Variants in CPNE5 observed in about 807,000 individuals in gnomAD.
The protein encoded by CPNE5 is copine-5.
CPNE5 carries 42 observed loss-of-function variants against 81.1 expected under a neutral mutation model. The observed-to-expected ratio is 0.52, with a 90% confidence interval of 0.40 to 0.67. The LOEUF is 0.67. Among genes scored for constraint, CPNE5 ranks in the 30% least tolerant of loss-of-function variants. The probability of loss-of-function intolerance (pLI) is 0.00; values close to 1 mark genes in which losing one functional copy is unlikely to be tolerated. For synonymous variants in CPNE5, 313 were observed against 321.5 expected (o/e 0.97, Z 0.28); for missense variants, 612 against 815.5 (o/e 0.75, Z 3.04).
At chr6:36,798,528 T>C (rs751970533) in intron 4 of CPNE5, 34 bp from the exon 5 acceptor site, 1 of 1,609,466 alleles carries the variant, frequency 6.2e-7, no homozygotes, top group Non-Finnish European at 8.5e-7. Context: ...TGAAGGCAGC[T>C]GCGGACGTTC....
chr6:36,743,814 G>T, intron 19 of CPNE5, 52 bp from the exon 20 acceptor site: 1 of 1,468,426 alleles, frequency 6.8e-7, no homozygotes, highest in Non-Finnish European at 9.5e-7. Flanking sequence ...GTGGACCCCT[G>T]GCCCTAGCAG....
chr6:36,794,424 C>G (rs563439428), intron 7 of CPNE5, among the ~76,000 whole-genome samples, 166 bp downstream of exon 7: 1 of 152,224 alleles, frequency 6.6e-6, no homozygotes, highest in African/African-American at 2.4e-5. Flanking sequence ...CTGTTCAGGG[C>G]CCAAAGAGCC....
At chr6:36,808,981 T>C (rs1039325397) in intron 3 of CPNE5, among the ~76,000 whole-genome samples, 1 of 152,170 alleles carries the variant, frequency 6.6e-6, no homozygotes, top group Non-Finnish European at 1.5e-5. Flanking sequence ...GTAAGAGGCT[T>C]ATGCTGTGAA....
intron 1 of CPNE5, among the ~76,000 whole-genome samples, chr6:36,835,435 T>TA (rs1299631930): frequency 1.3e-5 from 2 of 152,162 alleles, no homozygotes; most frequent in African/African-American, 4.8e-5. Flanking sequence ...TCACATTTTT[T>TA]ATGATGTCTA....
chr6:36,744,563 C>T (rs1763916280), intron 18 of CPNE5: 3 of 575,808 alleles, frequency 5.2e-6, no homozygotes, highest in Non-Finnish European at 9.3e-6. Flanking sequence ...GGGAATGGGT[C>T]ATAGGTCTGC....
At chr6:36,776,607 C>T (rs186537666) in intron 9 of CPNE5, among the ~76,000 whole-genome samples, 5 of 152,182 alleles carry the variant, frequency 3.3e-5, no homozygotes, top group Non-Finnish European at 7.4e-5. Flanking sequence ...GTGCAGAAGC[C>T]CTGCTAGGCT....
chr6:36,788,474 G>C (rs971347651), intron 8 of CPNE5, among the ~76,000 whole-genome samples: 2 of 152,088 alleles, frequency 1.3e-5, no homozygotes, highest in Non-Finnish European at 2.9e-5. Context: ...GAGTTCCAAG[G>C]CCTGAGCTAG....
At chr6:36,768,225 C>CTTTTTTTCTTTTTTTTTTTTTTTTT in intron 10 of CPNE5, among the ~76,000 whole-genome samples, 955 of 60,474 alleles carry the variant, frequency 0.016, 256 homozygotes, top group South Asian at 0.028. Flanking sequence ...ATTCACAGTT[C>CTTTTTTTCTTTTTTTTTTTTTTTTT]TTTTTTTTTT....
chr6:36,826,390 C>T (rs1772506205), intron 1 of CPNE5, among the ~76,000 whole-genome samples: 1 of 152,156 alleles, frequency 6.6e-6, no homozygotes, highest in African/African-American at 2.4e-5. Flanking sequence ...CCCTCTCTTC[C>T]CCACTCTGCT....
chr6:36,765,580 G>C (rs1196457352), intron 10 of CPNE5, among the ~76,000 whole-genome samples: 1 of 152,112 alleles, frequency 6.6e-6, no homozygotes, highest in Non-Finnish European at 1.5e-5. Flanking sequence ...GGGCAGCCAG[G>C]GCTGTGTAGG....
chr6:36,813,550 C>G (rs557820830), intron 3 of CPNE5, among the ~76,000 whole-genome samples: 1 of 152,210 alleles, frequency 6.6e-6, no homozygotes, highest in East Asian at 1.9e-4. Context: ...AAAATAAAAC[C>G]CTCAAGTAGC....
intron 3 of CPNE5, among the ~76,000 whole-genome samples, chr6:36,819,732 C>A (rs576900543): frequency 2.0e-5 from 3 of 152,172 alleles, no homozygotes; most frequent in African/African-American, 7.2e-5. Flanking sequence ...GACAAGCCTG[C>A]ATCCTTCTGT....
At chr6:36,768,227 T>TTTTTTC (rs1299360576) in intron 10 of CPNE5, among the ~76,000 whole-genome samples, 3,770 of 63,764 alleles carry the variant, frequency 0.059, 880 homozygotes, top group Non-Finnish European at 0.097. Context: ...TCACAGTTCT[T>TTTTTTC]TTTTTTTTTT....
At chr6:36,750,482 G>A (rs78971404) in intron 14 of CPNE5, among the ~76,000 whole-genome samples, 1 of 152,118 alleles carries the variant, frequency 6.6e-6, no homozygotes, top group Non-Finnish European at 1.5e-5. Context: ...CAGGCAGTAG[G>A]ATAGAAGGAG....
intron 3 of CPNE5, among the ~76,000 whole-genome samples, chr6:36,820,890 T>C (rs567505960): frequency 2.0e-5 from 3 of 150,738 alleles, no homozygotes; most frequent in African/African-American, 7.3e-5. Context: ...GAAGCTGCAG[T>C]GAGTCATGAT....
intron 10 of CPNE5, among the ~76,000 whole-genome samples, chr6:36,774,316 C>T (rs543252389): frequency 5.7e-4 from 87 of 152,118 alleles, no homozygotes; most frequent in African/African-American, 2.0e-3. Context: ...CTGGGAGGTC[C>T]AGGCTGCAGT....
intron 11 of CPNE5, among the ~76,000 whole-genome samples, chr6:36,764,182 C>T (rs1373582424): frequency 6.6e-6 from 1 of 151,292 alleles, no homozygotes; most frequent in Non-Finnish European, 1.5e-5. Flanking sequence ...CCCAGTGGCA[C>T]CTGGTAGCTG....
At chr6:36,809,622 CA>C (rs903518918) in intron 3 of CPNE5, among the ~76,000 whole-genome samples, 10 of 149,012 alleles carry the variant, frequency 6.7e-5, no homozygotes, top group East Asian at 5.9e-4. Flanking sequence ...AAACAACAAC[CA>C]AAAAAAAAAT....
At chr6:36,775,268 T>C (rs934923029) in intron 9 of CPNE5, among the ~76,000 whole-genome samples, 6 of 152,140 alleles carry the variant, frequency 3.9e-5, no homozygotes, top group Admixed American at 1.3e-4. Flanking sequence ...CAGAAAGGGT[T>C]CCTGTACCAG....
Sources: allele counts gnomAD v4.1 joint callset (sites outside exome capture counted in the v4.1 genomes callset), GRCh38; gene constraint gnomAD v4.1.1; transcripts MANE v1.5; gene names NCBI Gene and HGNC (gene_info 2026-07-23, HGNC 2026-07-21).